Variants in ADGRG6 observed in about 807,000 individuals in gnomAD.
ADGRG6 encodes adhesion G protein-coupled receptor G6, also known as G-protein coupled receptor 126.
A neutral mutation model predicts 142.4 loss-of-function variants in ADGRG6; 84 were observed. The observed-to-expected ratio is 0.59, with a 90% CI of 0.49 to 0.71. The LOEUF (loss-of-function observed/expected upper bound fraction) is 0.71, where lower values mean the gene tolerates loss of function less well. Among genes scored for constraint, ADGRG6 ranks in the 30% least tolerant of loss-of-function variants. ADGRG6 has a pLI of 0.00. For missense variants in ADGRG6, 1,367 were observed against 1,466.6 expected (o/e 0.93, Z 1.11); for synonymous variants, 521 against 520.5 (o/e 1.00, Z -0.01).
intron 2 of ADGRG6, among the ~76,000 whole-genome samples, chr6:142,318,829 G>A (rs1307088021): frequency 6.6e-6 from 1 of 151,988 alleles, no homozygotes; most frequent in African/African-American, 2.4e-5. Context: ...AAGAAGGTAG[G>A]GAATGAGGCT....
intron 2 of ADGRG6, among the ~76,000 whole-genome samples, chr6:142,320,864 G>A (rs540010391): frequency 1.3e-5 from 2 of 152,054 alleles, no homozygotes; most frequent in Admixed American, 6.6e-5. Context: ...ATCCCTTTCT[G>A]TAAATATATA....
chr6:142,353,358 C>T (rs1780279363), intron 2 of ADGRG6, among the ~76,000 whole-genome samples: 1 of 152,176 alleles, frequency 6.6e-6, no homozygotes, highest in Admixed American at 6.5e-5. Flanking sequence ...TTATGTTTAA[C>T]AAGATGCCAA....
intron 2 of ADGRG6, among the ~76,000 whole-genome samples, chr6:142,358,325 A>T (rs1246397700): frequency 6.6e-6 from 1 of 152,224 alleles, no homozygotes; most frequent in Non-Finnish European, 1.5e-5. Context: ...AGCAGATAAG[A>T]TCAAAATGAG....
At chr6:142,350,721 G>A (rs910874745) in intron 2 of ADGRG6, among the ~76,000 whole-genome samples, 9 of 152,138 alleles carry the variant, frequency 5.9e-5, no homozygotes, top group Admixed American at 5.2e-4. Context: ...TCAGTGGGAG[G>A]AGGGAGCAAG....
intron 18 of ADGRG6, among the ~76,000 whole-genome samples, chr6:142,413,695 C>T (rs1017280785): frequency 5.3e-5 from 8 of 152,098 alleles, no homozygotes; most frequent in Non-Finnish European, 1.2e-4. Flanking sequence ...CCAACTCAAA[C>T]CCCATCCCAT....
At chr6:142,314,706 A>G (rs562749400) in intron 2 of ADGRG6, among the ~76,000 whole-genome samples, 9 of 152,350 alleles carry the variant, frequency 5.9e-5, no homozygotes, top group African/African-American at 2.2e-4. Context: ...CAGTAGGAAT[A>G]AGATACTGGC....
Position 142,370,400 on chromosome 6 carries a change from A to G in ADGRG6, c.676A>G (p.Ile226Val), listed in dbSNP as rs1781181995. The G allele has an allele frequency of 1.2e-6, 2 of 1,613,528 alleles. No homozygotes were observed. The highest frequency in any genetic ancestry group is 3.3e-5 in the Admixed American group (2 of 59,994). ...GGCCAAGAGTGGCTACTTTCTATCC[A>G]TTTCTGATTCAAAATGTTTGTTGAA... ...GKAKSGYFLS[I>V]SDSKCLLNNA... The change falls in exon 4 of 25, where the codon ATT becomes GTT. Residue 226 changes from isoleucine (I) to valine (V), a missense_variant. Physicochemically the swap from Ile to Val is conservative, Grantham distance 29 (BLOSUM62 3). Transcript: ENST00000367609.
intron 20 of ADGRG6, among the ~76,000 whole-genome samples, chr6:142,416,330 G>C (rs1435756238): frequency 1.3e-5 from 2 of 152,084 alleles, no homozygotes; most frequent in East Asian, 3.9e-4. Flanking sequence ...CCTGAGCCCA[G>C]AGCCAGCCCA....
At chr6:142,354,399 AC>A (rs1316852520) in intron 2 of ADGRG6, among the ~76,000 whole-genome samples, 2 of 152,082 alleles carry the variant, frequency 1.3e-5, no homozygotes, top group Non-Finnish European at 2.9e-5. Context: ...AAACAAACAA[AC>A]AAACAAAAAA....
At chr6:142,327,839 A>G (rs992465645) in intron 2 of ADGRG6, among the ~76,000 whole-genome samples, 10 of 152,120 alleles carry the variant, frequency 6.6e-5, no homozygotes, top group African/African-American at 2.4e-4. Context: ...AAAGAAAACA[A>G]GAATCCTACA....
intron 2 of ADGRG6, among the ~76,000 whole-genome samples, chr6:142,365,849 G>T (rs986150595): frequency 6.6e-5 from 10 of 152,120 alleles, no homozygotes; most frequent in African/African-American, 2.4e-4. Context: ...TATCATAGAA[G>T]AATAGTAGTA....
chr6:142,390,824 G>A (rs531377334), intron 7 of ADGRG6, among the ~76,000 whole-genome samples: 5 of 151,648 alleles, frequency 3.3e-5, no homozygotes, highest in Non-Finnish European at 7.4e-5. Flanking sequence ...CTTTTTTCCA[G>A]ATTTCTTTGT....
chr6:142,355,387 T>C (rs1780395577), intron 2 of ADGRG6, among the ~76,000 whole-genome samples: 1 of 152,160 alleles, frequency 6.6e-6, no homozygotes. Flanking sequence ...TGACTTTCCA[T>C]AGAACATCCC....
chr6:142,425,751 A>G (rs916161111), intron 22 of ADGRG6, among the ~76,000 whole-genome samples: 1 of 152,130 alleles, frequency 6.6e-6, no homozygotes, highest in Non-Finnish European at 1.5e-5. Context: ...AGACTGGGCA[A>G]TTTACAAAAC....
At chr6:142,317,547 T>C (rs1778145313) in intron 2 of ADGRG6, among the ~76,000 whole-genome samples, 1 of 149,858 alleles carries the variant, frequency 6.7e-6, no homozygotes, top group Non-Finnish European at 1.5e-5. Flanking sequence ...TTAAATAAGT[T>C]ACAGAGAACA....
rs1778344152 is a variant in ADGRG6, at chr6:142,318,387, ATAT to A, written c.103+8747_103+8749del. Reference sequence around the variant, plus strand: ...TATTTATATATATTTATATATTTATATATTATATGTAATTTAAATATATATATA... The same window carrying A: ...TATTTATATATATTTATATATTTATATATATGTAATTTAAATATATATATA... On this transcript the variant is annotated intron_variant, in intron 2 of 24. Transcript: ENST00000367609. Among the ~76,000 whole-genome samples, 4 of 112,142 alleles carry A rather than the reference ATAT, an allele frequency of 3.6e-5. No homozygotes were observed. In the South Asian group the frequency reaches 9.3e-4, roughly 26 times the overall value. 73.6% of individuals were successfully genotyped at this position (112,142 alleles called of 152,430 possible). A position where few individuals can be genotyped will look rare whatever the true frequency, so the allele number is the denominator to read the frequency against.
At chr6:142,323,645 A>T (rs933761980) in intron 2 of ADGRG6, among the ~76,000 whole-genome samples, 2 of 152,146 alleles carry the variant, frequency 1.3e-5, no homozygotes, top group African/African-American at 4.8e-5. Flanking sequence ...GTATTTACAC[A>T]AACCTAAATG....
chr6:142,319,658 C>T (rs1047495171), intron 2 of ADGRG6, among the ~76,000 whole-genome samples: 1 of 152,092 alleles, frequency 6.6e-6, no homozygotes, highest in South Asian at 2.1e-4. Flanking sequence ...TTTCAATTTT[C>T]CCATTATAAC....
At chr6:142,411,894 C>T (rs904964289) in intron 18 of ADGRG6, among the ~76,000 whole-genome samples, 3 of 152,030 alleles carry the variant, frequency 2.0e-5, no homozygotes, top group Admixed American at 2.0e-4. Flanking sequence ...GAGTGATCTC[C>T]CTCCTAGAGA....
Sources: allele counts gnomAD v4.1 joint callset (sites outside exome capture counted in the v4.1 genomes callset), GRCh38; gene constraint gnomAD v4.1.1; transcripts MANE v1.5; gene names NCBI Gene and HGNC (gene_info 2026-07-23, HGNC 2026-07-21).